The following DENND1A variants were observed in gnomAD, a reference collection of about 807,000 sequenced individuals.
DENND1A encodes the protein DENN domain containing 1A.
A neutral mutation model predicts 113.7 loss-of-function variants in DENND1A; 51 were observed. The ratio of observed to expected loss-of-function variants is 0.45; its 90% confidence interval spans 0.36 to 0.57. The LOEUF is 0.57. Ranked by LOEUF, DENND1A falls within the 20% of genes least tolerant of loss-of-function variation. The probability of loss-of-function intolerance (pLI) is 0.00; values close to 1 mark genes in which losing one functional copy is unlikely to be tolerated. For synonymous variants in DENND1A, 565 were observed against 570.8 expected (o/e 0.99, Z 0.14); for missense variants, 1,258 against 1,395.9 (o/e 0.90, Z 1.57).
intron 13 of DENND1A, among the ~76,000 whole-genome samples, chr9:123,491,504 G>T (rs1356950829): frequency 6.6e-6 from 1 of 152,180 alleles, no homozygotes; most frequent in Non-Finnish European, 1.5e-5. Flanking sequence ...TGCCTTCAAG[G>T]AGCTTATAAG....
At chr9:123,875,977 A>G (rs1847394368) in intron 2 of DENND1A, among the ~76,000 whole-genome samples, 1 of 152,230 alleles carries the variant, frequency 6.6e-6, no homozygotes, top group Admixed American at 6.5e-5. Context: ...GGATCATAAT[A>G]ACATGGTTAC....
At chr9:123,504,371 C>A (rs1049674505) in intron 13 of DENND1A, among the ~76,000 whole-genome samples, 3 of 152,180 alleles carry the variant, frequency 2.0e-5, no homozygotes, top group African/African-American at 7.2e-5. Flanking sequence ...AAGGCAGGAC[C>A]ATGAATGGTT....
chr9:123,673,412 T>A (rs190700191), intron 6 of DENND1A, among the ~76,000 whole-genome samples: 1 of 152,386 alleles, frequency 6.6e-6, no homozygotes, highest in Admixed American at 6.5e-5. Flanking sequence ...TGCTTTTGTG[T>A]CCTTCTGACA....
At chr9:123,922,218 G>C (rs1008188078) in intron 1 of DENND1A, among the ~76,000 whole-genome samples, 2 of 152,128 alleles carry the variant, frequency 1.3e-5, no homozygotes, top group Admixed American at 6.6e-5. Context: ...ACAGGCATGA[G>C]CCACCACGCC....
intron 5 of DENND1A, among the ~76,000 whole-genome samples, chr9:123,707,142 C>A (rs986026127): frequency 6.6e-6 from 1 of 152,124 alleles, no homozygotes; most frequent in African/African-American, 2.4e-5. Flanking sequence ...CGCCTGTAAT[C>A]CCAGCACTTT....
intron 10 of DENND1A, among the ~76,000 whole-genome samples, chr9:123,614,894 C>G (rs1372350417): frequency 1.3e-5 from 2 of 152,172 alleles, no homozygotes; most frequent in Non-Finnish European, 2.9e-5. Flanking sequence ...GTGAGCTTTT[C>G]TTTCTTTTTT....
rs139185709 is a variant in DENND1A, at chr9:123,553,960, G to A, written c.993+3610C>T. On this transcript the variant is annotated intron_variant, in intron 13 of 23. Transcript: ENST00000394215. Reference sequence around the variant, plus strand: ...TTTAGTAGAGACAGGATGTCACCACGTTGGCCAGGATGGTCTCAATCTCTT... The same window carrying A: ...TTTAGTAGAGACAGGATGTCACCACATTGGCCAGGATGGTCTCAATCTCTT... Among the ~76,000 whole-genome samples the A allele has an allele frequency of 8.2e-3, 1,253 of 152,294 alleles. 22 individuals carry two copies. Among genetic ancestry groups the A allele is most frequent in the South Asian group, 0.019 (94 of 4,830 alleles).
chr9:123,623,944 C>A (rs573065283), intron 10 of DENND1A, among the ~76,000 whole-genome samples: 2 of 152,156 alleles, frequency 1.3e-5, no homozygotes, highest in Admixed American at 1.3e-4. Flanking sequence ...GCTCTTATGG[C>A]CTACACTGTT....
rs144951886 is a variant in DENND1A at position 123,791,142 on chromosome 9, C to T, written c.132+1445G>A. ...TTTTAAGTTTCTCCTATAAAATTCC[C>T]TCTCACTGAGAATTCAGATCATGGA... On this transcript the variant is annotated intron_variant, in intron 3 of 23. Coordinates refer to ENST00000394215, the MANE Select transcript of DENND1A (RefSeq NM_001352964.2). 3.9e-5 allele frequency among the ~76,000 whole-genome samples: 6 copies of T among 152,234 alleles called. No individual in the cohort carries two copies. The East Asian group carries it at 1.2e-3, about 29-fold the overall frequency.
intron 20 of DENND1A, 159 bp from the exon 21 acceptor site, chr9:123,403,649 T>C: frequency 3.1e-6 from 2 of 639,466 alleles, no homozygotes; most frequent in South Asian, 3.6e-5. Context: ...AACATCACCA[T>C]CTAATAGGCA....
chr9:123,739,026 TAG>T (rs2068787190), intron 5 of DENND1A, among the ~76,000 whole-genome samples: 2 of 152,252 alleles, frequency 1.3e-5, no homozygotes, highest in South Asian at 4.1e-4. Context: ...GGCTTTTAGA[TAG>T]AATGTCACAT....
intron 13 of DENND1A, among the ~76,000 whole-genome samples, chr9:123,472,967 G>A (rs2049571754): frequency 6.6e-6 from 1 of 152,164 alleles, no homozygotes; most frequent in Non-Finnish European, 1.5e-5. Context: ...CCTTGCCCGG[G>A]GCTGGGTCAG....
chr9:123,811,842 C>G (rs1836670624), intron 2 of DENND1A, among the ~76,000 whole-genome samples: 1 of 152,190 alleles, frequency 6.6e-6, no homozygotes, highest in Non-Finnish European at 1.5e-5. Flanking sequence ...TGATTTAGAA[C>G]TATAAATGAC....
chr9:123,799,617 G>A (rs1298262331), intron 2 of DENND1A, among the ~76,000 whole-genome samples: 7 of 152,172 alleles, frequency 4.6e-5, no homozygotes, highest in East Asian at 1.9e-4. Flanking sequence ...AACACGGCAC[G>A]CCCACTTCTG....
intron 9 of DENND1A, among the ~76,000 whole-genome samples, chr9:123,651,267 AT>A (rs1378510373): frequency 1.3e-5 from 2 of 152,380 alleles, no homozygotes; most frequent in African/African-American, 4.8e-5. Flanking sequence ...AAATAAAAAA[AT>A]AAACCCATGG....
intron 2 of DENND1A, among the ~76,000 whole-genome samples, chr9:123,816,491 G>A (rs1837512965): frequency 6.6e-6 from 1 of 152,218 alleles, no homozygotes; most frequent in Non-Finnish European, 1.5e-5. Flanking sequence ...TGCGGATGAA[G>A]TTTTAAGGGA....
intron 1 of DENND1A, among the ~76,000 whole-genome samples, chr9:123,899,854 C>A (rs1374303893): frequency 6.6e-6 from 1 of 152,214 alleles, no homozygotes; most frequent in Non-Finnish European, 1.5e-5. Flanking sequence ...CTATAAATTT[C>A]TTTCTCCTCA....
intron 13 of DENND1A, chr9:123,493,188 C>T (rs1263405544): frequency 1.3e-5 from 2 of 152,284 alleles, no homozygotes; most frequent in Admixed American, 6.5e-5. Context: ...GGGATGGGGC[C>T]ATGACTAAGA....
At chr9:123,776,862 A>T (rs889646894) in intron 3 of DENND1A, among the ~76,000 whole-genome samples, 1 of 152,260 alleles carries the variant, frequency 6.6e-6, no homozygotes, top group African/African-American at 2.4e-5. Context: ...AGGAAAACGC[A>T]AAGGACAGCT....
Sources: allele counts gnomAD v4.1 joint callset (sites outside exome capture counted in the v4.1 genomes callset), GRCh38; gene constraint gnomAD v4.1.1; transcripts MANE v1.5; gene names NCBI Gene and HGNC (gene_info 2026-07-23, HGNC 2026-07-21).